Variants in CBL observed in about 807,000 individuals in gnomAD.
The protein encoded by CBL is E3 ubiquitin-protein ligase CBL.
In CBL, 45 loss-of-function variants were observed where a neutral mutation model predicts 96.9. The ratio of observed to expected loss-of-function variants is 0.46; its 90% confidence interval spans 0.37 to 0.60. CBL has a LOEUF of 0.60. CBL is among the 20% of genes least tolerant of loss of function. The pLI is 0.00. For missense variants in CBL, 1,024 were observed against 1,143.5 expected (o/e 0.90, Z 1.51); for synonymous variants, 420 against 426.8 (o/e 0.98, Z 0.20).
At chr11:119,250,748 T>G (rs1337534870) in intron 2 of CBL, among the ~76,000 whole-genome samples, 2 of 152,074 alleles carry the variant, frequency 1.3e-5, no homozygotes, top group African/African-American at 2.4e-5. Flanking sequence ...GCCAGGACTT[T>G]GAGACCAGCC....
intron 12 of CBL, among the ~76,000 whole-genome samples, chr11:119,293,494 A>C (rs1950043766): frequency 6.6e-6 from 1 of 152,130 alleles, no homozygotes; most frequent in Non-Finnish European, 1.5e-5. Flanking sequence ...AAGACAGCCA[A>C]AATATCTATT....
intron 1 of CBL, among the ~76,000 whole-genome samples, chr11:119,222,143 G>A (rs775394974): frequency 6.8e-6 from 1 of 146,412 alleles, no homozygotes; most frequent in Non-Finnish European, 1.5e-5. Context: ...AGAAATGCTT[G>A]TATCAATAAG....
chr11:119,305,203 C>T lies in CBL; in HGVS notation c.*5422C>T, dbSNP rs1347872029. ...AGAAATTCTTAGGTTTAACTTAATT[C>T]TGGTCATTGTCTTCTTTATTTCCTG... On this transcript the variant is annotated 3_prime_UTR_variant, in exon 16 of 16. Coordinates refer to ENST00000264033, the MANE Select transcript of CBL (RefSeq NM_005188.4). 4.4e-6 allele frequency: 1 copy of T among 229,632 alleles called. No individual in the cohort carries two copies. The highest frequency in any genetic ancestry group is 2.2e-5 in the African/African-American group (1 of 45,156). 14.2% of individuals were successfully genotyped at this position (229,632 alleles called of 1,614,324 possible).
rs1212334952 is a variant in CBL, at chr11:119,271,850, G to A, written c.559G>A (p.Ala187Thr). The change falls in exon 3 of 16, where the codon GCG becomes ACG. Residue 187 changes from alanine to threonine, a missense_variant. Physicochemically the swap from Ala to Thr is moderately conservative, Grantham distance 58. Coordinates refer to ENST00000264033, the MANE Select transcript of CBL (RefSeq NM_005188.4). The stretch of plus-strand genomic sequence containing the variant: ...ATTTCGGATTACTAAAGCAGATGCT[G>A]CGGAATTTTGGAGAAAAGCTTTTGG... The part of the protein sequence containing the change: ...DTFRITKADA[A>T]EFWRKAFGEK... 6.2e-7 allele frequency: 1 copy of A among 1,614,072 alleles called. No individual in the cohort carries two copies. Among genetic ancestry groups the A allele is most frequent in the South Asian group, 1.1e-5 (1 of 91,086 alleles).
intron 1 of CBL, among the ~76,000 whole-genome samples, chr11:119,223,687 C>T (rs1416219603): frequency 6.6e-6 from 1 of 151,912 alleles, no homozygotes; most frequent in Non-Finnish European, 1.5e-5. Flanking sequence ...AGTGCAGTGG[C>T]GTGATCTCAG....
At chr11:119,251,972 A>G (rs7945293) in intron 2 of CBL, among the ~76,000 whole-genome samples, 95,111 of 152,030 alleles carry the variant, frequency 0.63, 31,271 homozygotes, top group East Asian at 0.88. Context: ...TACAAAGCCA[A>G]CAAATGCCTG....
At chr11:119,283,163 A>T (rs532928262) in intron 9 of CBL, among the ~76,000 whole-genome samples, 12 of 152,330 alleles carry the variant, frequency 7.9e-5, no homozygotes, top group Non-Finnish European at 1.5e-4. Flanking sequence ...AGAATCTTTT[A>T]GGGAAAAATC....
intron 9 of CBL, among the ~76,000 whole-genome samples, chr11:119,284,210 G>A (rs531899860): frequency 1.3e-5 from 2 of 151,790 alleles, no homozygotes; most frequent in Non-Finnish European, 1.5e-5. Flanking sequence ...CACCGTCATC[G>A]ATCTCTTTCT....
intron 12 of CBL, among the ~76,000 whole-genome samples, chr11:119,293,105 C>CT (rs34950699): frequency 8.0e-5 from 12 of 149,154 alleles, no homozygotes; most frequent in African/African-American, 2.2e-4. Flanking sequence ...CGATTCCATC[C>CT]TTTTTTTTTT....
At position 119,301,038 on chromosome 11, in the gene CBL, C is replaced by T. The variant is rs753711126; in HGVS notation, c.*1257C>T. ...CTTTAAGGAGTGGGGATAATGTCCA[C>T]GGTGGCCCAGCCTCTTGCTGATGGC... is the stretch of plus-strand genomic sequence containing the variant. On this transcript the variant is annotated 3_prime_UTR_variant, in exon 16 of 16. Coordinates refer to ENST00000264033, the MANE Select transcript of CBL (RefSeq NM_005188.4). 4 of 233,452 alleles carry T rather than the reference C, an allele frequency of 1.7e-5. No individual in the cohort carries two copies. Among genetic ancestry groups the T allele is most frequent in the Non-Finnish European group, 3.4e-5 (4 of 118,166 alleles). The allele number at this position is 233,452 out of a possible 1,614,324, so 14.5% of individuals were successfully genotyped here.
At chr11:119,250,761 G>A (rs1333788499) in intron 2 of CBL, among the ~76,000 whole-genome samples, 1 of 152,046 alleles carries the variant, frequency 6.6e-6, no homozygotes, top group African/African-American at 2.4e-5. Context: ...GACCAGCCTG[G>A]CCAACATGGT....
intron 12 of CBL, among the ~76,000 whole-genome samples, chr11:119,294,524 G>A (rs1195731566): frequency 1.3e-5 from 2 of 151,986 alleles, no homozygotes; most frequent in Admixed American, 6.6e-5. Context: ...GCTGGGTGCG[G>A]TGGCTCACGC....
chr11:119,224,048 C>A (rs1467844357), intron 1 of CBL, among the ~76,000 whole-genome samples: 2 of 152,026 alleles, frequency 1.3e-5, no homozygotes, highest in Admixed American at 1.3e-4. Context: ...TGCTGATTTC[C>A]CTGGTCATGA....
At chr11:119,265,083 A>G (rs564259975) in intron 2 of CBL, among the ~76,000 whole-genome samples, 18 of 147,990 alleles carry the variant, frequency 1.2e-4, no homozygotes, top group African/African-American at 4.0e-4. Context: ...GTCTCACTAT[A>G]TTGCCCAGGC....
intron 1 of CBL, among the ~76,000 whole-genome samples, chr11:119,214,200 C>T (rs1323454405): frequency 2.0e-5 from 3 of 151,618 alleles, no homozygotes; most frequent in Admixed American, 1.3e-4. Context: ...TCCTTGGCCT[C>T]CCAAAGTGCT....
At chr11:119,247,262 A>G (rs899240412) in intron 2 of CBL, among the ~76,000 whole-genome samples, 2 of 152,244 alleles carry the variant, frequency 1.3e-5, no homozygotes, top group East Asian at 3.8e-4. Flanking sequence ...CTTTAAGATC[A>G]TGAAGCAGAC....
chr11:119,256,556 C>T (rs887374383), intron 2 of CBL, among the ~76,000 whole-genome samples: 2 of 151,640 alleles, frequency 1.3e-5, no homozygotes, highest in African/African-American at 4.9e-5. Flanking sequence ...TTAGATTTTT[C>T]TTTTTAAAAA....
intron 1 of CBL, among the ~76,000 whole-genome samples, chr11:119,229,520 C>T (rs1349037314): frequency 2.0e-5 from 3 of 152,060 alleles, no homozygotes; most frequent in Non-Finnish European, 2.9e-5. Context: ...GCAGTTTAGG[C>T]AGGAGGGTTG....
chr11:119,234,392 T>G (rs1201685307), intron 2 of CBL, among the ~76,000 whole-genome samples: 3 of 152,228 alleles, frequency 2.0e-5, no homozygotes, highest in African/African-American at 7.2e-5. Flanking sequence ...TGAACTTTAT[T>G]CCTTTTAAAT....
Sources: allele counts gnomAD v4.1 joint callset (sites outside exome capture counted in the v4.1 genomes callset), GRCh38; gene constraint gnomAD v4.1.1; transcripts MANE v1.5; gene names NCBI Gene and HGNC (gene_info 2026-07-23, HGNC 2026-07-21).